The following FAM13A variants were observed in gnomAD, a reference collection of about 807,000 sequenced individuals.
FAM13A encodes the protein family with sequence similarity 13 member A.
In FAM13A, 76 loss-of-function variants were observed where a neutral mutation model predicts 129.6. The ratio of observed to expected loss-of-function variants is 0.59; its 90% CI spans 0.49 to 0.71. The LOEUF is 0.71. FAM13A is among the 30% of genes least tolerant of loss of function. FAM13A has a pLI of 0.00. For missense variants in FAM13A, 1,108 were observed against 1,249.3 expected, an observed-to-expected ratio of 0.89 and a Z score of 1.70; for synonymous variants, 443 against 449.9, an observed-to-expected ratio of 0.98 and a Z score of 0.20.
chr4:89,003,592 A>C (rs1432027492), intron 3 of FAM13A, among the ~76,000 whole-genome samples: 1 of 152,010 alleles, frequency 6.6e-6, no homozygotes, highest in Non-Finnish European at 1.5e-5. Context: ...GGAATCCCAC[A>C]CCACTGCACT....
At chr4:88,928,688 T>C (rs1752583773) in intron 5 of FAM13A, among the ~76,000 whole-genome samples, 1 of 118,206 alleles carries the variant, frequency 8.5e-6, no homozygotes, top group Non-Finnish European at 1.8e-5. Context: ...CCTATGTGTC[T>C]TTTTACATGT....
At chr4:88,748,201 A>G (rs1741792577) in intron 17 of FAM13A, among the ~76,000 whole-genome samples, 1 of 152,170 alleles carries the variant, frequency 6.6e-6, no homozygotes, top group South Asian at 2.1e-4. Flanking sequence ...CTGATATATG[A>G]GATTTGATGT....
intron 7 of FAM13A, chr4:88,823,196 G>C: frequency 6.9e-7 from 1 of 1,446,880 alleles, no homozygotes; most frequent in Non-Finnish European, 9.1e-7. Context: ...AACTTCTTCA[G>C]GCAATGCTAT....
At chr4:88,809,197 A>G (rs915462153) in intron 7 of FAM13A, among the ~76,000 whole-genome samples, 1 of 152,088 alleles carries the variant, frequency 6.6e-6, no homozygotes, top group African/African-American at 2.4e-5. Context: ...AGAAAAACCA[A>G]ATAATGTTGG....
intron 4 of FAM13A, among the ~76,000 whole-genome samples, chr4:88,957,343 T>A (rs1429712309): frequency 1.3e-5 from 2 of 151,092 alleles, no homozygotes; most frequent in Non-Finnish European, 3.0e-5. Flanking sequence ...AAAAAAAGTG[T>A]GTGGCACCTC....
intron 13 of FAM13A, among the ~76,000 whole-genome samples, chr4:88,761,942 A>G: frequency 6.6e-6 from 1 of 152,200 alleles, no homozygotes; most frequent in East Asian, 1.9e-4. Context: ...CAGTTAATCA[A>G]CAAAAACCTG....
chr4:88,733,067 G>A (rs1317023426), intron 21 of FAM13A, among the ~76,000 whole-genome samples: 2 of 151,830 alleles, frequency 1.3e-5, no homozygotes, highest in Middle Eastern at 3.2e-3. Context: ...AAATTGGTTC[G>A]GAATACAGCC....
At chr4:88,931,260 T>G (rs1005311356) in intron 5 of FAM13A, among the ~76,000 whole-genome samples, 5 of 152,204 alleles carry the variant, frequency 3.3e-5, no homozygotes, top group African/African-American at 1.2e-4. Flanking sequence ...GGCATCCAGA[T>G]GAGGCTGCTC....
intron 2 of FAM13A, among the ~76,000 whole-genome samples, chr4:89,024,357 G>A (rs1177031978): frequency 5.9e-5 from 9 of 151,762 alleles, no homozygotes; most frequent in African/African-American, 1.7e-4. Flanking sequence ...CATTGTCAGC[G>A]AGAAAAAGAG....
chr4:88,757,550 T>C (rs1264871845), intron 14 of FAM13A, among the ~76,000 whole-genome samples: 1 of 152,180 alleles, frequency 6.6e-6, no homozygotes, highest in Non-Finnish European at 1.5e-5. Context: ...AATATATAAC[T>C]GAAATTACAA....
At chr4:88,967,425 T>C (rs757319118) in intron 4 of FAM13A, among the ~76,000 whole-genome samples, 2 of 152,240 alleles carry the variant, frequency 1.3e-5, no homozygotes, top group Non-Finnish European at 2.9e-5. Flanking sequence ...CATTATTTTA[T>C]ATGTGATCAT....
At chr4:89,047,598 A>C (rs1771029274) in intron 1 of FAM13A, among the ~76,000 whole-genome samples, 1 of 152,220 alleles carries the variant, frequency 6.6e-6, no homozygotes, top group South Asian at 2.1e-4. Context: ...AGTGTACTTA[A>C]GAATAGTGGG....
At chr4:88,936,554 C>T (rs976620676) in intron 5 of FAM13A, 3 of 152,456 alleles carry the variant, frequency 2.0e-5, no homozygotes, top group Non-Finnish European at 4.4e-5. Flanking sequence ...GATCCAAACA[C>T]CTCCCACCAG....
At chr4:88,980,032 G>C (rs1327784048) in intron 4 of FAM13A, among the ~76,000 whole-genome samples, 1 of 152,160 alleles carries the variant, frequency 6.6e-6, no homozygotes, top group Non-Finnish European at 1.5e-5. Context: ...TAAATAAATT[G>C]TATTGCTCAA....
At chr4:88,994,832 C>A (rs1763330290) in intron 3 of FAM13A, among the ~76,000 whole-genome samples, 1 of 94,674 alleles carries the variant, frequency 1.1e-5, no homozygotes, top group Non-Finnish European at 2.2e-5. Flanking sequence ...CAGAGTGAGA[C>A]CCTGTCAAAA....
chr4:88,754,471 C>T (rs772907538), intron 14 of FAM13A, among the ~76,000 whole-genome samples: 3 of 152,172 alleles, frequency 2.0e-5, no homozygotes, highest in Non-Finnish European at 1.5e-5. Context: ...ATTGATTTCT[C>T]AGAAATCTGC....
At chr4:89,005,145 T>C (rs1764834459) in intron 3 of FAM13A, among the ~76,000 whole-genome samples, 2 of 152,178 alleles carry the variant, frequency 1.3e-5, no homozygotes, top group Non-Finnish European at 2.9e-5. Flanking sequence ...TAGCTCCCAC[T>C]TATAAGTGAG....
At position 88,943,896 on chromosome 4, in the gene FAM13A, AT is replaced by A. The variant is rs577513106; in HGVS notation, c.606-5656del. ...CTTTGTTTTTCAGACTGAAGGACAC[AT>A]TTTTTTTCTCTCTCTTTTAAACTAT... On this transcript the variant is annotated intron_variant, in intron 4 of 23. Transcript: ENST00000264344. 1.3e-3 allele frequency among the ~76,000 whole-genome samples: 197 copies of A among 152,116 alleles called. 2 individuals are homozygous for A. Among genetic ancestry groups the A allele is most frequent in the African/African-American group, 4.5e-3 (187 of 41,468 alleles).
intron 4 of FAM13A, among the ~76,000 whole-genome samples, chr4:88,969,683 G>C (rs73843735): frequency 1.6e-3 from 246 of 152,268 alleles, no homozygotes; most frequent in African/African-American, 5.6e-3. Context: ...TGTATACTAT[G>C]TACAGGTACT....
Sources: gnomAD v4.1 joint callset for allele counts (sites outside exome capture counted in the v4.1 genomes callset) on GRCh38, gnomAD v4.1.1 for gene constraint, MANE v1.5 for transcripts, NCBI Gene and HGNC (gene_info 2026-07-23, HGNC 2026-07-21) for gene names.